Variants in LYRM9 observed in about 807,000 individuals in gnomAD.
The protein encoded by LYRM9 is LYR motif-containing protein 9.
LYRM9 carries 14 observed loss-of-function variants against 12.6 expected under a neutral mutation model. The ratio of observed to expected loss-of-function variants is 1.11; its 90% CI spans 0.73 to 1.73. LYRM9 has a LOEUF of 1.73. LYRM9 is among the 40% of genes most tolerant of loss of function. LYRM9 has a pLI of 0.00. For missense variants in LYRM9, 94 were observed against 95.0 expected, an observed-to-expected ratio of 0.99 and a Z score of 0.04; for synonymous variants, 42 against 35.1, an observed-to-expected ratio of 1.20 and a Z score of -0.69.
intron 3 of LYRM9, 134 bp downstream of exon 3, chr17:27,880,140 G>C (rs1372948131): frequency 2.7e-6 from 2 of 739,080 alleles, no homozygotes; most frequent in Non-Finnish European, 4.8e-6. Context: ...TCTGGAGGAG[G>C]GAAGCAGCTG....
At position 27,891,474 on chromosome 17, in the gene LYRM9, C is replaced by T. The variant is rs1858529845; in HGVS notation, c.-19+1843G>A. On this transcript the variant is annotated intron_variant, in intron 1 of 3. Transcript: ENST00000379102. ...ACTACTAAGCATGATGCCTGGCACA[C>T]ACTACATGTTTCCTACTAACTGTTA... 2.0e-5 allele frequency among the ~76,000 whole-genome samples: 3 copies of T among 152,334 alleles called. 1 individual carries two copies. In the South Asian group the frequency reaches 6.2e-4, roughly 32 times the overall value.
At chr17:27,889,711 A>G (rs1265132780) in intron 1 of LYRM9, among the ~76,000 whole-genome samples, 1 of 152,150 alleles carries the variant, frequency 6.6e-6, no homozygotes, top group Admixed American at 6.5e-5. Flanking sequence ...ACTCAATTCA[A>G]CAAAATAAGA....
Position 27,886,680 on chromosome 17 carries a change from G to C in LYRM9, c.-18-3968C>G, listed in dbSNP as rs531207397. 7.0e-6 allele frequency among the ~76,000 whole-genome samples: 1 copy of C among 142,020 alleles called. No individual in the cohort carries two copies. The highest frequency in any genetic ancestry group is 2.6e-5 in the African/African-American group (1 of 37,996). The allele number at this position is 142,020 out of a possible 152,430, so 93.2% of individuals were successfully genotyped here. ...TTTTTTTTTTTTGAGACAGAGTTTCGCTCTTGTTGCCCAGGCTGGAGTGCA... is the reference window on the plus strand; with the variant it reads ...TTTTTTTTTTTTGAGACAGAGTTTCCCTCTTGTTGCCCAGGCTGGAGTGCA... On this transcript the variant is annotated intron_variant, in intron 1 of 3. Transcript: ENST00000379102. The surrounding 1 kb of genome is among the most constrained non-coding windows in gnomAD (Gnocchi z 4.8).
chr17:27,884,736 AC>A (rs1905178485), intron 1 of LYRM9, among the ~76,000 whole-genome samples: 1 of 152,102 alleles, frequency 6.6e-6, no homozygotes, highest in Non-Finnish European at 1.5e-5. Context: ...GAATGAAGCT[AC>A]TATCTCCTCT....
intron 1 of LYRM9, among the ~76,000 whole-genome samples, chr17:27,883,629 G>A (rs1247785531): frequency 6.9e-6 from 1 of 144,688 alleles, no homozygotes; most frequent in Non-Finnish European, 1.5e-5. Flanking sequence ...CAGCCTGGGT[G>A]ACAAAGCAAG....
Position 27,886,652 on chromosome 17 carries a change from TA to T in LYRM9, c.-18-3941del, listed in dbSNP as rs1280368396. On this transcript the variant is annotated intron_variant, in intron 1 of 3. Transcript: ENST00000379102. The surrounding 1 kb of genome is among the most constrained non-coding windows in gnomAD (Gnocchi z 4.8). ...GTTTCTTTCTTTTCTTTTCTTTTTTTATTTTTTTTTTTTTGAGACAGAGTTT... is the reference window on the plus strand; with the variant it reads ...GTTTCTTTCTTTTCTTTTCTTTTTTTTTTTTTTTTTTTTGAGACAGAGTTT... Among the ~76,000 whole-genome samples, 7 of 68,376 alleles carry T rather than the reference TA, an allele frequency of 1.0e-4. No homozygotes were observed. The highest frequency in any genetic ancestry group is 3.0e-4 in the East Asian group (1 of 3,328). The allele number at this position is 68,376 out of a possible 152,430, so 44.9% of individuals were successfully genotyped here. A position where few individuals can be genotyped will look rare whatever the true frequency, so the allele number is the denominator to read the frequency against.
rs1207692278 is a variant in LYRM9 at position 27,882,623 on chromosome 17, G to A, written c.72C>T (p.Cys24=). Residue 24 remains cysteine, a synonymous_variant, in exon 2 of 4, where the codon TGC becomes TGT. Transcript: ENST00000379102. Reference sequence around the variant, plus strand: ...GGATGCCCTTGGTCGGCAGCTGCTGGCAACAGCGCAGCAAGTATCGGTAGA... The same window carrying A: ...GGATGCCCTTGGTCGGCAGCTGCTGACAACAGCGCAGCAAGTATCGGTAGA... ...LQLYRYLLRC[C]QQLPTKGIQQ... 1.3e-6 allele frequency: 2 copies of A among 1,599,502 alleles called. No homozygotes were observed. Among genetic ancestry groups the A allele is most frequent in the Non-Finnish European group, 1.7e-6 (2 of 1,173,866 alleles).
At chr17:27,888,446 A>G (rs2142596317) in intron 1 of LYRM9, among the ~76,000 whole-genome samples, 1 of 152,326 alleles carries the variant, frequency 6.6e-6, no homozygotes, top group East Asian at 1.9e-4. Flanking sequence ...CTGAATGAAA[A>G]TCTTCACTGG....
chr17:27,879,948 C>T (rs574142400), intron 3 of LYRM9: 13 of 612,600 alleles, frequency 2.1e-5, no homozygotes, highest in African/African-American at 9.3e-5. Flanking sequence ...TCCCTCTCTG[C>T]GGCATCACAG....
intron 1 of LYRM9, chr17:27,883,102 C>G: frequency 2.2e-6 from 1 of 463,054 alleles, no homozygotes; most frequent in Non-Finnish European, 4.5e-6. Flanking sequence ...CACCAAGCCA[C>G]AGAGGGGAGA....
intron 1 of LYRM9, among the ~76,000 whole-genome samples, chr17:27,883,989 ATATC>A (rs1345449952): frequency 6.6e-6 from 1 of 152,020 alleles, no homozygotes; most frequent in Admixed American, 6.5e-5. Flanking sequence ...GAGAGTTAAC[ATATC>A]TATCATCACC....
At chr17:27,884,557 G>T (rs1413385979) in intron 1 of LYRM9, among the ~76,000 whole-genome samples, 1 of 152,198 alleles carries the variant, frequency 6.6e-6, no homozygotes, top group Non-Finnish European at 1.5e-5. Context: ...CCTCCAGGAA[G>T]CCCTTCCTCA....
intron 1 of LYRM9, among the ~76,000 whole-genome samples, chr17:27,883,507 A>G (rs971577901): frequency 2.6e-5 from 4 of 152,018 alleles, no homozygotes; most frequent in Non-Finnish European, 5.9e-5. Context: ...AAAATTAGCC[A>G]GGCTTAGTGG....
chr17:27,882,852 T>G (rs977535459), intron 1 of LYRM9, 140 bp from the exon 2 acceptor site: 1 of 960,696 alleles, frequency 1.0e-6, no homozygotes, highest in African/African-American at 1.6e-5. Context: ...AGCCTGCACC[T>G]TGGGGTGGGG....
intron 1 of LYRM9, among the ~76,000 whole-genome samples, chr17:27,885,640 G>A (rs529924755): frequency 2.8e-5 from 4 of 143,814 alleles, no homozygotes; most frequent in African/African-American, 1.1e-4. Context: ...AGCCTCGACT[G>A]CAGTGAGCTG....
intron 1 of LYRM9, among the ~76,000 whole-genome samples, chr17:27,883,487 T>G (rs556786293): frequency 6.0e-4 from 91 of 152,008 alleles, no homozygotes; most frequent in Non-Finnish European, 1.6e-4. Context: ...CCGTCTCTAC[T>G]AAAAATACAA....
intron 1 of LYRM9, 129 bp from the exon 2 acceptor site, chr17:27,882,841 G>A: frequency 9.5e-7 from 1 of 1,058,130 alleles, no homozygotes; most frequent in Non-Finnish European, 1.4e-6. Flanking sequence ...CCATCCCATG[G>A]AGCCTGCACC....
intron 1 of LYRM9, among the ~76,000 whole-genome samples, chr17:27,883,895 T>C (rs1905151232): frequency 8.1e-6 from 1 of 123,366 alleles, no homozygotes; most frequent in South Asian, 2.7e-4. Context: ...ATAGTTGATA[T>C]ATAATGAACT....
At chr17:27,880,837 G>A (rs1905027115) in intron 2 of LYRM9, 1 of 164,528 alleles carries the variant, frequency 6.1e-6, no homozygotes, top group African/African-American at 2.4e-5. Flanking sequence ...AGTAGATAGA[G>A]TGGCCTCAGG....
Sources: gnomAD v4.1 joint callset for allele counts (sites outside exome capture counted in the v4.1 genomes callset) on GRCh38, gnomAD v4.1.1 for gene constraint, Gnocchi (gnomAD v3.1) non-coding constraint, MANE v1.5 for transcripts, NCBI Gene and HGNC (gene_info 2026-07-23, HGNC 2026-07-21) for gene names.